The following UCHL5 variants were observed in gnomAD, a reference collection of about 807,000 sequenced individuals.
The protein encoded by UCHL5 is ubiquitin carboxyl-terminal hydrolase isozyme L5.
In UCHL5, 34 loss-of-function variants were observed where a neutral mutation model predicts 53.8. That is an observed-to-expected ratio of 0.63 (90% CI 0.48 to 0.84). The LOEUF is 0.84. UCHL5 is among the 40% of genes least tolerant of loss of function. UCHL5 has a pLI of 0.00. For synonymous variants in UCHL5, 111 were observed against 126.3 expected, an observed-to-expected ratio of 0.88 and a Z score of 0.81; for missense variants, 290 against 385.6, an observed-to-expected ratio of 0.75 and a Z score of 2.08.
At chr1:193,035,566 C>T (rs1039141086) in intron 3 of UCHL5, among the ~76,000 whole-genome samples, 6 of 151,978 alleles carry the variant, frequency 3.9e-5, no homozygotes, top group African/African-American at 2.4e-5. Flanking sequence ...GTGGCCACAA[C>T]GAGACTTGTT....
In UCHL5 at chr1:193,023,985, A is replaced by T. The variant is rs753929634; in HGVS notation, c.630-39T>A. On this transcript the variant is annotated intron_variant, in intron 7 of 10. Transcript: ENST00000367454. ...ATTTAAGTTTATAATGTAATAAAGAATTGTACAACTATTACCGTTAAGATA... is the reference window on the plus strand; with the variant it reads ...ATTTAAGTTTATAATGTAATAAAGATTTGTACAACTATTACCGTTAAGATA... The T allele has an allele frequency of 4.4e-6, 6 of 1,375,354 alleles. No individual in the cohort carries two copies. In the South Asian group the frequency reaches 7.3e-5, roughly 17 times the overall value. 85.2% of individuals were successfully genotyped at this position (1,375,354 alleles called of 1,614,324 possible).
chr1:193,025,054 T>C (rs961330714), intron 7 of UCHL5, among the ~76,000 whole-genome samples: 1 of 152,004 alleles, frequency 6.6e-6, no homozygotes, highest in Non-Finnish European at 1.5e-5. Context: ...AATGATACAA[T>C]AGTGAATTTC....
At chr1:193,059,788 G>A, upstream of UCHL5, 1 of 1,356,624 alleles carries the variant, frequency 7.4e-7, no homozygotes. This position sits in a 1 kb window ranked among gnomAD's most constrained non-coding sequence, Gnocchi z 4.9. Context: ...TGAGGACATT[G>A]CGGGAGGCCG....
chr1:193,042,686 T>C (rs537763535), intron 3 of UCHL5, among the ~76,000 whole-genome samples: 1 of 152,286 alleles, frequency 6.6e-6, no homozygotes, highest in African/African-American at 2.4e-5. Flanking sequence ...TCAAATGCAT[T>C]CCCAACACTG....
rs1654538178 is a variant in UCHL5 at position 193,014,015 on chromosome 1, A to G, written c.*2336T>C. The G allele has an allele frequency of 1.3e-5, 2 of 152,328 alleles. No homozygotes were observed. The highest frequency in any genetic ancestry group is 2.9e-5 in the Non-Finnish European group (2 of 68,034). The allele number at this position is 152,328 out of a possible 1,614,324, so 9.4% of individuals were successfully genotyped here. ...ATTGGCTATTTTGAAGGCTTAAAAT[A>G]GAATGGAAGCGACTTCACCTACCCA... On this transcript the variant is annotated 3_prime_UTR_variant, in exon 11 of 11. Coordinates refer to ENST00000367454, the MANE Select transcript of UCHL5 (RefSeq NM_001199261.3).
rs1654824364 is a variant in UCHL5, at chr1:193,015,891, TAA to T, written c.*458_*459del. The T allele has an allele frequency of 6.5e-6, 1 of 154,070 alleles. No individual in the cohort carries two copies. The highest frequency in any genetic ancestry group is 1.9e-4 in the East Asian group (1 of 5,234). 9.5% of individuals were successfully genotyped at this position (154,070 alleles called of 1,614,324 possible). A position where few individuals can be genotyped will look rare whatever the true frequency, so the allele number is the denominator to read the frequency against. Reference sequence around the variant, plus strand: ...TTTCTCAAATAACTGGTATAGCAGATAAAATTCAGTTTTAAAATCCTCAAAAC... The same window carrying T: ...TTTCTCAAATAACTGGTATAGCAGATAATTCAGTTTTAAAATCCTCAAAAC... On this transcript the variant is annotated 3_prime_UTR_variant, in exon 11 of 11. Coordinates refer to ENST00000367454, the MANE Select transcript of UCHL5 (RefSeq NM_001199261.3).
At chr1:193,023,411 T>C (rs1250506491) in intron 8 of UCHL5, among the ~76,000 whole-genome samples, 4 of 152,208 alleles carry the variant, frequency 2.6e-5, no homozygotes. Context: ...AAGGTAATCA[T>C]AGACTAGTAA....
At chr1:193,021,315 A>G in intron 9 of UCHL5, 120 bp from the exon 10 acceptor site, 2 of 636,676 alleles carry the variant, frequency 3.1e-6, no homozygotes, top group South Asian at 4.3e-5. Context: ...GATTTTAGAA[A>G]TAATGAGATT....
chr1:193,047,696 C>T (rs987917812), intron 3 of UCHL5, among the ~76,000 whole-genome samples: 1 of 152,126 alleles, frequency 6.6e-6, no homozygotes, highest in Non-Finnish European at 1.5e-5. Context: ...TTATCTATGG[C>T]TCTCTAAGAA....
intron 10 of UCHL5, 93 bp downstream of exon 10, chr1:193,021,004 A>C: frequency 1.1e-6 from 1 of 904,112 alleles, no homozygotes; most frequent in Non-Finnish European, 1.7e-6. Context: ...GCTTCCAAAA[A>C]TTTTACCTCT....
At chr1:193,036,317 C>CAAAAAA (rs960496083) in intron 3 of UCHL5, among the ~76,000 whole-genome samples, 1,592 of 50,442 alleles carry the variant, frequency 0.032, 3 homozygotes, top group East Asian at 0.043. Flanking sequence ...AACTGGAAAC[C>CAAAAAA]AAAAAAAAAA....
rs1176800554 is a variant in UCHL5 at position 193,012,494 on chromosome 1, A to G, written c.*3857T>C. On this transcript the variant is annotated 3_prime_UTR_variant, in exon 11 of 11. Transcript: ENST00000367454. ...TAATTATTGCACATTGGTTCTGCCT[A>G]TATGCCTATATGCAATCCACTTGTA... 2.0e-5 allele frequency: 3 copies of G among 152,214 alleles called. No individual in the cohort carries two copies. The highest frequency in any genetic ancestry group is 1.3e-4 in the Admixed American group (2 of 15,282). The allele number at this position is 152,214 out of a possible 1,614,324, so 9.4% of individuals were successfully genotyped here.
intron 3 of UCHL5, among the ~76,000 whole-genome samples, chr1:193,042,776 A>G (rs1666024187): frequency 6.6e-6 from 1 of 152,178 alleles, no homozygotes; most frequent in African/African-American, 2.4e-5. Context: ...CTATTACTCT[A>G]AAGATAAAGA....
chr1:193,021,052 G>T, intron 10 of UCHL5, 45 bp downstream of exon 10: 2 of 1,372,980 alleles, frequency 1.5e-6, no homozygotes, highest in South Asian at 1.3e-5. Context: ...TTATGTTTTT[G>T]GAGACTCTAA....
At position 193,059,315 on chromosome 1, in the gene UCHL5, C is replaced by A. The variant is rs774638292; in HGVS notation, c.-55G>T. ...CTCTCGCTCTCAGCTGCCCCCCGCA[C>A]CAGCTGCCGCCGGCCACAGATCTCA... On this transcript the variant is annotated 5_prime_UTR_variant, in exon 1 of 11. Coordinates refer to ENST00000367454, the MANE Select transcript of UCHL5 (RefSeq NM_001199261.3). The surrounding 1 kb of genome is among the most constrained non-coding windows in gnomAD (Gnocchi z 4.9). 1.2e-6 allele frequency: 2 copies of A among 1,608,144 alleles called. No individual in the cohort carries two copies. Among genetic ancestry groups the A allele is most frequent in the Non-Finnish European group, 1.7e-6 (2 of 1,177,442 alleles).
At chr1:193,040,304 A>C (rs1448616503) in intron 3 of UCHL5, among the ~76,000 whole-genome samples, 2 of 152,212 alleles carry the variant, frequency 1.3e-5, no homozygotes, top group Non-Finnish European at 2.9e-5. Context: ...CAACAGGAGA[A>C]GATAAAAAAA....
intron 1 of UCHL5, chr1:193,057,285 G>T (rs114694239): frequency 0.015 from 2,425 of 159,988 alleles, 58 homozygotes; most frequent in African/African-American, 0.054. Context: ...TTTCTCTTAT[G>T]TAGGAGTAAT....
At position 193,013,377 on chromosome 1, in the gene UCHL5, T is replaced by C. The variant is rs1251283027; in HGVS notation, c.*2974A>G. The C allele has an allele frequency of 1.3e-5, 2 of 152,162 alleles. No homozygotes were observed. The highest frequency in any genetic ancestry group is 1.5e-5 in the Non-Finnish European group (1 of 68,034). 9.4% of individuals were successfully genotyped at this position (152,162 alleles called of 1,614,324 possible). A position where few individuals can be genotyped will look rare whatever the true frequency, so the allele number is the denominator to read the frequency against. On this transcript the variant is annotated 3_prime_UTR_variant, in exon 11 of 11. Coordinates refer to ENST00000367454, the MANE Select transcript of UCHL5 (RefSeq NM_001199261.3). Reference sequence around the variant, plus strand: ...TCCCAATATAAATCTGCATTCCTCTTCAAATAGCTAGAGTGGTTTGTTTCC... The same window carrying C: ...TCCCAATATAAATCTGCATTCCTCTCCAAATAGCTAGAGTGGTTTGTTTCC...
chr1:193,017,240 A>C (rs1655163684), intron 10 of UCHL5, among the ~76,000 whole-genome samples: 1 of 151,790 alleles, frequency 6.6e-6, no homozygotes, highest in Non-Finnish European at 1.5e-5. Context: ...ACTACAATGC[A>C]ATATTTTTCC....
Sources: gnomAD v4.1 joint callset for allele counts (sites outside exome capture counted in the v4.1 genomes callset) on GRCh38, gnomAD v4.1.1 for gene constraint, Gnocchi (gnomAD v3.1) non-coding constraint, MANE v1.5 for transcripts, NCBI Gene and HGNC (gene_info 2026-07-23, HGNC 2026-07-21) for gene names.